KIAA0825: variants seen among roughly 807,000 people sequenced by gnomAD.
KIAA0825 encodes the protein uncharacterized protein KIAA0825.
KIAA0825 carries 119 observed loss-of-function variants against 147.6 expected under a neutral mutation model. That is an observed-to-expected ratio of 0.81 (90% CI 0.69 to 0.94). The LOEUF is 0.94. KIAA0825 is among the 40% of genes least tolerant of loss of function. KIAA0825 has a pLI of 0.00. For synonymous variants in KIAA0825, 470 were observed against 518.1 expected, an observed-to-expected ratio of 0.91 and a Z score of 1.26; for missense variants, 1,381 against 1,472.7, an observed-to-expected ratio of 0.94 and a Z score of 1.02.
chr5:94,273,268 G>T (rs142528903), intron 20 of KIAA0825, among the ~76,000 whole-genome samples: 94 of 152,208 alleles, frequency 6.2e-4, no homozygotes, highest in African/African-American at 2.2e-3. Flanking sequence ...CTCAAAAAAT[G>T]TTAGCTATTA....
At chr5:94,396,544 G>A (rs1279481648) in intron 16 of KIAA0825, 35 bp from the exon 17 acceptor site, 6 of 1,446,558 alleles carry the variant, frequency 4.1e-6, no homozygotes, top group South Asian at 1.5e-5. Context: ...ATTAATATTA[G>A]CATTTGCGTT....
At chr5:94,413,869 C>A (rs540065421) in intron 15 of KIAA0825, 2 of 152,264 alleles carry the variant, frequency 1.3e-5, no homozygotes, top group Admixed American at 6.5e-5. Flanking sequence ...TGATTAGTTA[C>A]AACATAGAAC....
intron 20 of KIAA0825, among the ~76,000 whole-genome samples, chr5:94,275,421 C>A (rs1361443846): frequency 6.6e-6 from 1 of 152,124 alleles, no homozygotes; most frequent in Non-Finnish European, 1.5e-5. Flanking sequence ...CAGAGATAAA[C>A]TTTAGATAGC....
chr5:94,177,975 T>G (rs1286648896), intron 20 of KIAA0825, among the ~76,000 whole-genome samples: 5 of 152,056 alleles, frequency 3.3e-5, no homozygotes, highest in Non-Finnish European at 7.4e-5. Flanking sequence ...ATGGCAGTAT[T>G]GTAAAAGTCA....
intron 20 of KIAA0825, among the ~76,000 whole-genome samples, chr5:94,166,504 GTTTT>G (rs535152982): frequency 9.1e-4 from 92 of 100,772 alleles, no homozygotes; most frequent in African/African-American, 3.3e-3. Flanking sequence ...CCTCTTGGTT[GTTTT>G]TTTTTTTTTT....
At chr5:94,592,997 A>G in intron 1 of KIAA0825, 1 of 612,070 alleles carries the variant, frequency 1.6e-6, no homozygotes, top group Non-Finnish European at 3.1e-6. Context: ...ATACTTTGGA[A>G]GCTTCAAAAG....
At chr5:94,189,923 T>C (rs1770505092) in intron 20 of KIAA0825, among the ~76,000 whole-genome samples, 1 of 152,208 alleles carries the variant, frequency 6.6e-6, no homozygotes, top group Non-Finnish European at 1.5e-5. Flanking sequence ...CCCATTTATT[T>C]ACTTATTTTA....
At chr5:94,352,403 A>T (rs527825723) in intron 20 of KIAA0825, among the ~76,000 whole-genome samples, 2 of 152,328 alleles carry the variant, frequency 1.3e-5, no homozygotes, top group East Asian at 3.9e-4. Context: ...GACTATAATA[A>T]AAAAATCAAA....
At chr5:94,420,513 A>C (rs1451162046) in intron 14 of KIAA0825, among the ~76,000 whole-genome samples, 1 of 152,182 alleles carries the variant, frequency 6.6e-6, no homozygotes, top group Non-Finnish European at 1.5e-5. Flanking sequence ...GCCTTAATGC[A>C]AAACTCTTTA....
chr5:94,197,632 A>C lies in KIAA0825; in HGVS notation c.3711-43508T>G, dbSNP rs139693196. Among the ~76,000 whole-genome samples, 229 of 152,148 alleles carry C rather than the reference A, an allele frequency of 1.5e-3. 1 individual carries two copies. The highest frequency in any genetic ancestry group is 5.0e-3 in the African/African-American group (208 of 41,518). On this transcript the variant is annotated intron_variant, in intron 20 of 20. Transcript: ENST00000682413. ...CTTACATTTAAGTCTTTAATCCATCATGAGTTGATTTTTTTGTGCATAGGG... is the reference window on the plus strand; with the variant it reads ...CTTACATTTAAGTCTTTAATCCATCCTGAGTTGATTTTTTTGTGCATAGGG...
At chr5:94,357,596 A>G (rs950490162) in intron 20 of KIAA0825, among the ~76,000 whole-genome samples, 1 of 152,208 alleles carries the variant, frequency 6.6e-6, no homozygotes, top group Admixed American at 6.5e-5. Flanking sequence ...AGCCTGTTGG[A>G]TGTGACTTTC....
intron 1 of KIAA0825, among the ~76,000 whole-genome samples, chr5:94,600,050 T>C (rs1317005193): frequency 6.6e-6 from 1 of 152,162 alleles, no homozygotes; most frequent in East Asian, 1.9e-4. Flanking sequence ...GACATATAAA[T>C]GGCCAATAAG....
chr5:94,391,854 A>T (rs1749943719), intron 17 of KIAA0825, among the ~76,000 whole-genome samples, 160 bp from the exon 18 acceptor site: 1 of 152,194 alleles, frequency 6.6e-6, no homozygotes, highest in African/African-American at 2.4e-5. Flanking sequence ...GCTGCCACTC[A>T]CATAAACAGC....
intron 3 of KIAA0825, among the ~76,000 whole-genome samples, chr5:94,530,546 T>G (rs1031151452): frequency 2.0e-5 from 3 of 152,136 alleles, no homozygotes; most frequent in Non-Finnish European, 2.9e-5. Flanking sequence ...ATATTCCTAA[T>G]TATGGCATTC....
At chr5:94,342,252 AT>A (rs142770070) in intron 20 of KIAA0825, among the ~76,000 whole-genome samples, 2 of 152,028 alleles carry the variant, frequency 1.3e-5, no homozygotes, top group Non-Finnish European at 1.5e-5. Context: ...ACTAAAAAAA[AT>A]TTTTTTAGTA....
Position 94,391,598 on chromosome 5 carries a change from G to C in KIAA0825, c.3393C>G (p.Leu1131=). Residue 1131 remains leucine, a synonymous_variant, in exon 18 of 21, where the codon CTC becomes CTG. Coordinates refer to ENST00000682413, the MANE Select transcript of KIAA0825 (RefSeq NM_001145678.3). ...ACTCCCTGCCACCTGGTTTGTGGCA[G>C]AGATCCAGGACCATCGTGTTTATTT... The part of the protein sequence containing the change: ...EQKINTMVLD[L]CHKPGGREYL... The C allele has an allele frequency of 6.4e-7, 1 of 1,551,662 alleles. No homozygotes were observed. Among genetic ancestry groups the C allele is most frequent in the Non-Finnish European group, 8.7e-7 (1 of 1,146,972 alleles).
At chr5:94,565,084 T>C (rs1276647701) in intron 2 of KIAA0825, among the ~76,000 whole-genome samples, 1 of 137,212 alleles carries the variant, frequency 7.3e-6, no homozygotes, top group Admixed American at 7.2e-5. Context: ...TTCTCTCTCT[T>C]TCTTGCTTTC....
intron 2 of KIAA0825, among the ~76,000 whole-genome samples, chr5:94,558,586 T>G (rs1776997895): frequency 6.6e-6 from 1 of 152,226 alleles, no homozygotes; most frequent in Admixed American, 6.5e-5. Flanking sequence ...TAATAAATAT[T>G]TTGATAGGCT....
intron 20 of KIAA0825, among the ~76,000 whole-genome samples, chr5:94,229,179 T>C (rs932271768): frequency 1.3e-5 from 2 of 152,226 alleles, no homozygotes; most frequent in African/African-American, 4.8e-5. Flanking sequence ...GCCAATGCAA[T>C]ATTCTAGTAC....
Sources: allele counts gnomAD v4.1 joint callset (sites outside exome capture counted in the v4.1 genomes callset), GRCh38; gene constraint gnomAD v4.1.1; transcripts MANE v1.5; gene names NCBI Gene and HGNC (gene_info 2026-07-23, HGNC 2026-07-21).